The following DSCAML1 variants were observed in gnomAD, a reference collection of about 807,000 sequenced individuals.
DSCAML1 encodes the protein cell adhesion molecule DSCAML1.
Under a neutral mutation model 200.5 loss-of-function variants are expected in DSCAML1, and 38 were observed. The ratio of observed to expected loss-of-function variants is 0.19; its 90% CI spans 0.15 to 0.25. The LOEUF (loss-of-function observed/expected upper bound fraction) is 0.25, where lower values mean the gene tolerates loss of function less well. DSCAML1 is among the 10% of genes least tolerant of loss of function. The pLI is 1.00. For synonymous variants in DSCAML1, 1,215 were observed against 1,165.0 expected (o/e 1.04, Z -0.87); for missense variants, 2,223 against 2,858.8 (o/e 0.78, Z 5.07).
At chr11:117,680,431 G>A (rs967863906) in intron 3 of DSCAML1, among the ~76,000 whole-genome samples, 1 of 152,360 alleles carries the variant, frequency 6.6e-6, no homozygotes, top group African/African-American at 2.4e-5. Context: ...CCACAGAGCA[G>A]AAAGTGTAGG....
intron 3 of DSCAML1, among the ~76,000 whole-genome samples, chr11:117,720,980 C>A (rs1306008443): frequency 6.6e-6 from 1 of 152,212 alleles, no homozygotes; most frequent in Non-Finnish European, 1.5e-5. Flanking sequence ...CTCTCATAAG[C>A]AATCTTGTTA....
chr11:117,555,534 C>A (rs534181639), intron 3 of DSCAML1, among the ~76,000 whole-genome samples: 1 of 152,018 alleles, frequency 6.6e-6, no homozygotes, highest in Non-Finnish European at 1.5e-5. Context: ...CTGAAGGACA[C>A]GTGTGTCTTC....
chr11:117,508,086 T>G (rs536979628), intron 8 of DSCAML1, among the ~76,000 whole-genome samples: 5 of 152,104 alleles, frequency 3.3e-5, no homozygotes, highest in Non-Finnish European at 7.4e-5. Flanking sequence ...TCTGATGGAT[T>G]GTAGCAGAGA....
rs1160144881 is a variant in DSCAML1 at position 117,437,553 on chromosome 11, G to C, written c.4433-144C>G. The C allele has an allele frequency of 9.6e-7, 1 of 1,038,334 alleles. No homozygotes were observed. The highest frequency in any genetic ancestry group is 1.6e-5 in the African/African-American group (1 of 62,488). 64.3% of individuals were successfully genotyped at this position (1,038,334 alleles called of 1,614,324 possible). On this transcript the variant is annotated intron_variant, in intron 25 of 32. Transcript: ENST00000651296. This position sits in a 1 kb window ranked among gnomAD's most constrained non-coding sequence, Gnocchi z 5.3. ...TACATGTTTGGCACAGATGGGGTGG[G>C]GAAGCCCCAGGGCGCAGAGGAGGAA... is the stretch of plus-strand genomic sequence containing the variant.
At chr11:117,727,461 T>G (rs2054150963) in intron 3 of DSCAML1, among the ~76,000 whole-genome samples, 1 of 152,212 alleles carries the variant, frequency 6.6e-6, no homozygotes, top group South Asian at 2.1e-4. Context: ...ATTCACTCAC[T>G]CACCCTAAGT....
chr11:117,714,146 T>G (rs2053904806), intron 3 of DSCAML1, among the ~76,000 whole-genome samples: 1 of 152,230 alleles, frequency 6.6e-6, no homozygotes, highest in African/African-American at 2.4e-5. Flanking sequence ...GCATCTAAGT[T>G]GCTTAGACTA....
chr11:117,495,928 A>G lies in DSCAML1; in HGVS notation c.2359+7917T>C, dbSNP rs1158358005. 3.3e-5 allele frequency among the ~76,000 whole-genome samples: 5 copies of G among 152,012 alleles called. No homozygotes were observed. In the East Asian group the frequency reaches 9.6e-4, roughly 29 times the overall value. ...CATCATGTCCAGACTTCAGAACCAT[A>G]CTTCCCATTCCTCTAGTCTCCAGCA... is the stretch of plus-strand genomic sequence containing the variant. On this transcript the variant is annotated intron_variant, in intron 11 of 32. Transcript: ENST00000651296.
intron 1 of DSCAML1, among the ~76,000 whole-genome samples, chr11:117,784,410 G>A (rs1184005555): frequency 6.6e-6 from 1 of 152,174 alleles, no homozygotes; most frequent in Non-Finnish European, 1.5e-5. Context: ...AGAGGAAACT[G>A]AGGCACAGAC....
chr11:117,518,301 C>A lies in DSCAML1; in HGVS notation c.1510+165G>T. ...ACACGCACACAAGAATGGATGATGGCGCTTGAGGAGGGCAGGAAAAGGGGA... is the reference window on the plus strand; with the variant it reads ...ACACGCACACAAGAATGGATGATGGAGCTTGAGGAGGGCAGGAAAAGGGGA... On this transcript the variant is annotated intron_variant, in intron 7 of 32. Transcript: ENST00000651296. This position sits in a 1 kb window ranked among gnomAD's most constrained non-coding sequence, Gnocchi z 6.3. The A allele has an allele frequency of 2.3e-6, 2 of 873,618 alleles. No homozygotes were observed. Among genetic ancestry groups the A allele is most frequent in the South Asian group, 1.6e-5 (1 of 64,020 alleles). The allele number at this position is 873,618 out of a possible 1,614,324, so 54.1% of individuals were successfully genotyped here. A position where few individuals can be genotyped will look rare whatever the true frequency, so the allele number is the denominator to read the frequency against.
chr11:117,693,449 G>C (rs1165360679), intron 3 of DSCAML1, among the ~76,000 whole-genome samples: 1 of 152,126 alleles, frequency 6.6e-6, no homozygotes, highest in Non-Finnish European at 1.5e-5. Context: ...TTACTCCAAA[G>C]CTTTATAAAT....
intron 3 of DSCAML1, among the ~76,000 whole-genome samples, chr11:117,764,264 C>T (rs11603422): frequency 0.047 from 7,151 of 152,276 alleles, 557 homozygotes; most frequent in African/African-American, 0.16. Flanking sequence ...AAGTCTCTTT[C>T]CCCTTTCCAA....
chr11:117,646,561 GCACC>G (rs961668015), intron 3 of DSCAML1, among the ~76,000 whole-genome samples: 3 of 152,118 alleles, frequency 2.0e-5, no homozygotes, highest in Non-Finnish European at 4.4e-5. Flanking sequence ...TCTACTATGT[GCACC>G]TGCCAAAGTG....
intron 1 of DSCAML1, among the ~76,000 whole-genome samples, chr11:117,805,702 C>T (rs1488783139): frequency 6.6e-6 from 1 of 152,164 alleles, no homozygotes; most frequent in Non-Finnish European, 1.5e-5. Context: ...AAAGGAAGTA[C>T]ATTTTGTTGG....
rs1333160248 is a variant in DSCAML1 at position 117,617,675 on chromosome 11, TACACGC to T, written c.512-85159_512-85154del. ...ACACTGCCACAAGACAACACACAGGTACACGCACACACACACACACACACACACACA... is the reference window on the plus strand; with the variant it reads ...ACACTGCCACAAGACAACACACAGGTACACACACACACACACACACACACA... On this transcript the variant is annotated intron_variant, in intron 3 of 32. Transcript: ENST00000651296. Among the ~76,000 whole-genome samples, 11 of 107,740 alleles carry T rather than the reference TACACGC, an allele frequency of 1.0e-4. No individual in the cohort carries two copies. The South Asian group carries it at 3.8e-3, about 37-fold the overall frequency. The allele number at this position is 107,740 out of a possible 152,430, so 70.7% of individuals were successfully genotyped here.
intron 14 of DSCAML1, among the ~76,000 whole-genome samples, chr11:117,478,161 C>T (rs2048835008): frequency 6.6e-6 from 1 of 152,234 alleles, no homozygotes; most frequent in Non-Finnish European, 1.5e-5. Flanking sequence ...CACATTGCCC[C>T]TGCTGAGGGG....
In DSCAML1 at chr11:117,587,915, C is replaced by T. The variant is rs146853084; in HGVS notation, c.512-55393G>A. Among the ~76,000 whole-genome samples the T allele has an allele frequency of 7.9e-5, 12 of 152,262 alleles. No individual in the cohort carries two copies. The East Asian group carries it at 2.3e-3, about 29-fold the overall frequency. ...AATCACAGCCCCTCTCTGCTCGGCACTGGAGGATCTCCAGGTCTAACATCC... is the reference window on the plus strand; with the variant it reads ...AATCACAGCCCCTCTCTGCTCGGCATTGGAGGATCTCCAGGTCTAACATCC... On this transcript the variant is annotated intron_variant, in intron 3 of 32. Coordinates refer to ENST00000651296, the MANE Select transcript of DSCAML1 (RefSeq NM_020693.4).
chr11:117,655,217 G>A (rs1338544825), intron 3 of DSCAML1, among the ~76,000 whole-genome samples: 1 of 152,254 alleles, frequency 6.6e-6, no homozygotes, highest in Non-Finnish European at 1.5e-5. Context: ...AGGGGTCTGG[G>A]TGTGCCCCAG....
At chr11:117,595,948 T>G (rs76630213) in intron 3 of DSCAML1, among the ~76,000 whole-genome samples, 2,057 of 152,266 alleles carry the variant, frequency 0.014, 21 homozygotes, top group East Asian at 0.048. Context: ...CAAAATCGTG[T>G]GGGAGCAGGA....
At chr11:117,739,592 C>T (rs182874476) in intron 3 of DSCAML1, among the ~76,000 whole-genome samples, 8 of 152,342 alleles carry the variant, frequency 5.3e-5, no homozygotes, top group Non-Finnish European at 8.8e-5. Flanking sequence ...GCCCTCAAAC[C>T]GAAGTCAAGC....
Sources: gnomAD v4.1 joint callset for allele counts (sites outside exome capture counted in the v4.1 genomes callset) on GRCh38, gnomAD v4.1.1 for gene constraint, Gnocchi (gnomAD v3.1) non-coding constraint, MANE v1.5 for transcripts, NCBI Gene and HGNC (gene_info 2026-07-23, HGNC 2026-07-21) for gene names.